The following APTX variants were observed in gnomAD, a reference collection of about 807,000 sequenced individuals.
APTX encodes forkhead-associated domain histidine triad-like protein.
Under a neutral mutation model 42.3 loss-of-function variants are expected in APTX, and 33 were observed. The observed-to-expected ratio is 0.78, with a 90% CI of 0.59 to 1.04. The LOEUF is 1.04. Ranked by LOEUF, APTX falls within the 50% of genes least tolerant of loss-of-function variation. The pLI is 0.00. For missense variants in APTX, 421 were observed against 415.1 expected (o/e 1.01, Z -0.12); for synonymous variants, 130 against 146.7 (o/e 0.89, Z 0.82).
Position 32,973,388 on chromosome 9 carries a change from C to A in APTX, c.*110G>T. 1 of 1,274,674 alleles carries A rather than the reference C, an allele frequency of 7.8e-7. No individual in the cohort carries two copies. The highest frequency in any genetic ancestry group is 1.1e-6 in the Non-Finnish European group (1 of 878,066). 79.0% of individuals were successfully genotyped at this position (1,274,674 alleles called of 1,614,324 possible). A position where few individuals can be genotyped will look rare whatever the true frequency, so the allele number is the denominator to read the frequency against. ...ATAATAGAATAAATTTGTGAAAAAG[C>A]TGCATGTTTTAATTTAGGAAATGAG... On this transcript the variant is annotated 3_prime_UTR_variant, in exon 8 of 8. Coordinates refer to ENST00000379817, the MANE Select transcript of APTX (RefSeq NM_001195248.2).
At chr9:32,999,954 T>C (rs771440779) in intron 1 of APTX, among the ~76,000 whole-genome samples, 1 of 151,246 alleles carries the variant, frequency 6.6e-6, no homozygotes, top group Non-Finnish European at 1.5e-5. Flanking sequence ...AGACTCCGTC[T>C]CAAAAAAATA....
At chr9:32,983,014 A>G (rs549794114) in intron 6 of APTX, among the ~76,000 whole-genome samples, 5 of 151,902 alleles carry the variant, frequency 3.3e-5, no homozygotes, top group Non-Finnish European at 7.4e-5. Context: ...GCGTGATCAT[A>G]GCTTACTGTA....
At position 32,972,742 on chromosome 9, in the gene APTX, C is replaced by T. The variant is rs115295647; in HGVS notation, c.*756G>A. On this transcript the variant is annotated 3_prime_UTR_variant, in exon 8 of 8. Transcript: ENST00000379817. Reference sequence around the variant, plus strand: ...TTGTTAGCTGAACTTCAATAGTTTCCACCTACTTAAGAGAGATGCCTCAAA... The same window carrying T: ...TTGTTAGCTGAACTTCAATAGTTTCTACCTACTTAAGAGAGATGCCTCAAA... 964 of 454,068 alleles carry T rather than the reference C, an allele frequency of 2.1e-3. 6 individuals are homozygous for T. The highest frequency in any genetic ancestry group is 0.018 in the African/African-American group (888 of 50,108). The allele number at this position is 454,068 out of a possible 1,614,324, so 28.1% of individuals were successfully genotyped here.
intron 1 of APTX, chr9:33,015,767 G>T (rs1837854764): frequency 6.6e-6 from 1 of 152,120 alleles, no homozygotes; most frequent in Admixed American, 6.5e-5. Flanking sequence ...TTACAGAGTA[G>T]ATCTTGATGT....
intron 1 of APTX, among the ~76,000 whole-genome samples, chr9:33,014,312 C>G (rs1178735430): frequency 6.6e-6 from 1 of 152,092 alleles, no homozygotes; most frequent in Non-Finnish European, 1.5e-5. Context: ...AACAAACACC[C>G]CTGGCCTCAC....
rs757641122 is a variant in APTX, at chr9:32,984,668, G to A, written c.733C>T (p.Arg245Cys). Reference protein sequence around the residue: ...IVDFAGSSKLRFRLGYHAIPS... With the variant: ...IVDFAGSSKLCFRLGYHAIPS... ...ATGGCGTGGTAGCCCAATCGGAAGCGGAGTTTGCTGGACCCAGCAAAATCT... is the reference window on the plus strand; with the variant it reads ...ATGGCGTGGTAGCCCAATCGGAAGCAGAGTTTGCTGGACCCAGCAAAATCT... Residue 245 changes from arginine to cysteine, a missense_variant, in exon 6 of 8, where the codon CGC becomes TGC. Arg to Cys is a radical substitution (Grantham distance 180). Coordinates refer to ENST00000379817, the MANE Select transcript of APTX (RefSeq NM_001195248.2). 1.7e-5 allele frequency: 28 copies of A among 1,614,052 alleles called. No homozygotes were observed. The highest frequency in any genetic ancestry group is 1.9e-5 in the Non-Finnish European group (23 of 1,180,038).
chr9:32,981,192 G>T (rs988576315), intron 6 of APTX, among the ~76,000 whole-genome samples: 2 of 152,196 alleles, frequency 1.3e-5, no homozygotes, highest in African/African-American at 4.8e-5. Flanking sequence ...AGGGGTATGG[G>T]TTAGGAATCC....
chr9:32,989,812 A>G lies in APTX; in HGVS notation c.80T>C (p.Ile27Thr), dbSNP rs117041645. ...IRLPHLEAVVIGRGPETKITD... is the reference protein window; with the variant it reads ...IRLPHLEAVVTGRGPETKITD... The stretch of plus-strand genomic sequence containing the variant: ...GATCTTGGTCTCTGGGCCACGCCCA[A>G]TCACAACTGCTTCCAAATGTGGAAG... The change falls in exon 2 of 8, where the codon ATT becomes ACT. Residue 27 changes from isoleucine to threonine, a missense_variant. Transcript: ENST00000379817. 277 of 1,614,250 alleles carry G rather than the reference A, an allele frequency of 1.7e-4. No homozygotes were observed. The East Asian group carries it at 2.8e-3, about 16-fold the overall frequency.
intron 1 of APTX, chr9:33,019,868 TG>T (rs1323770241): frequency 4.7e-6 from 3 of 634,480 alleles, no homozygotes; most frequent in East Asian, 3.1e-5. Context: ...CACCCTTTGG[TG>T]GGGTTCGGCA....
intron 1 of APTX, among the ~76,000 whole-genome samples, chr9:33,009,215 A>T (rs1837363299): frequency 6.6e-6 from 1 of 152,200 alleles, no homozygotes; most frequent in Non-Finnish European, 1.5e-5. Context: ...AGCAATGCTG[A>T]TCTGTGTAAA....
chr9:33,017,937 C>G (rs1048136458), intron 1 of APTX, among the ~76,000 whole-genome samples: 2 of 47,012 alleles, frequency 4.3e-5, no homozygotes, highest in South Asian at 5.1e-4. Flanking sequence ...CGCCCCCCCC[C>G]CCCTCCCATT....
intron 1 of APTX, among the ~76,000 whole-genome samples, chr9:32,991,669 C>G (rs751201483): frequency 1.3e-5 from 2 of 151,604 alleles, no homozygotes; most frequent in Non-Finnish European, 2.9e-5. Flanking sequence ...CCCACCTACT[C>G]GGGAGGCTGA....
chr9:32,990,012 G>T, intron 1 of APTX, 117 bp from the exon 2 acceptor site: 1 of 1,278,766 alleles, frequency 7.8e-7, no homozygotes, highest in South Asian at 1.3e-5. Context: ...TGAGGCAAGT[G>T]ACTTCACCAC....
At chr9:32,985,938 A>C in intron 5 of APTX, 33 bp downstream of exon 5, 1 of 1,593,408 alleles carries the variant, frequency 6.3e-7, no homozygotes, top group Non-Finnish European at 8.6e-7. Flanking sequence ...TTACAACATG[A>C]AATGTACTGA....
chr9:32,992,111 T>C (rs1307261177), intron 1 of APTX, among the ~76,000 whole-genome samples: 3 of 152,070 alleles, frequency 2.0e-5, no homozygotes, highest in African/African-American at 7.2e-5. Context: ...CAGAGAGAGA[T>C]TGCCTCTCTA....
intron 1 of APTX, among the ~76,000 whole-genome samples, chr9:32,993,170 C>G (rs1032824376): frequency 6.6e-6 from 1 of 152,170 alleles, no homozygotes; most frequent in African/African-American, 2.4e-5. Context: ...TAAGAACTAC[C>G]CTTTCTGCCC....
intron 1 of APTX, 77 bp from the exon 2 acceptor site, chr9:32,989,972 C>G (rs1370832446): frequency 4.6e-6 from 7 of 1,537,796 alleles, no homozygotes; most frequent in Non-Finnish European, 5.3e-6. Context: ...CCCGGTGCCA[C>G]CACGCATGTG....
At position 32,973,093 on chromosome 9, in the gene APTX, C is replaced by T. The variant is rs1378052286; in HGVS notation, c.*405G>A. ...TATCTTCAGGATAAACAAGAGGCCA[C>T]TCTAGATGCTCTGATTAAAGGTTGT... On this transcript the variant is annotated 3_prime_UTR_variant, in exon 8 of 8. Coordinates refer to ENST00000379817, the MANE Select transcript of APTX (RefSeq NM_001195248.2). 6.6e-6 allele frequency: 3 copies of T among 456,182 alleles called. No homozygotes were observed. The highest frequency in any genetic ancestry group is 6.0e-5 in the African/African-American group (3 of 50,120). The allele number at this position is 456,182 out of a possible 1,614,324, so 28.3% of individuals were successfully genotyped here.
chr9:33,020,054 C>T (rs1473720989), intron 1 of APTX: 4 of 394,846 alleles, frequency 1.0e-5, no homozygotes, highest in East Asian at 7.2e-5. Context: ...GGGGTGTCCG[C>T]GCCCCCGGGG....
Sources: gnomAD v4.1 joint callset for allele counts (sites outside exome capture counted in the v4.1 genomes callset) on GRCh38, gnomAD v4.1.1 for gene constraint, MANE v1.5 for transcripts, NCBI Gene and HGNC (gene_info 2026-07-23, HGNC 2026-07-21) for gene names.